The following CFAP44 variants were observed in gnomAD, a reference collection of about 807,000 sequenced individuals.
CFAP44 encodes the protein cilia- and flagella-associated protein 44.
CFAP44 carries 134 observed loss-of-function variants against 216.2 expected under a neutral mutation model. That is an observed-to-expected ratio of 0.62 (90% confidence interval 0.54 to 0.72). The LOEUF (loss-of-function observed/expected upper bound fraction) is 0.72. Among genes scored for constraint, CFAP44 ranks in the 30% least tolerant of loss-of-function variants. The pLI is 0.00. For missense variants in CFAP44, 2,035 were observed against 2,182.1 expected (o/e 0.93, Z 1.34); for synonymous variants, 700 against 727.6 (o/e 0.96, Z 0.61).
At chr3:113,379,157 C>G in intron 17 of CFAP44, 149 bp downstream of exon 17, 1 of 579,070 alleles carries the variant, frequency 1.7e-6, no homozygotes, top group Non-Finnish European at 2.7e-6. Context: ...TCAAAACTCA[C>G]GACTTCAATA....
chr3:113,350,017 C>T (rs1950427319), intron 22 of CFAP44, among the ~76,000 whole-genome samples: 1 of 152,194 alleles, frequency 6.6e-6, no homozygotes, highest in African/African-American at 2.4e-5. Context: ...TGGAGGCACC[C>T]CCATTAAATA....
At chr3:113,307,493 T>C (rs1949997442) in intron 29 of CFAP44, among the ~76,000 whole-genome samples, 1 of 152,182 alleles carries the variant, frequency 6.6e-6, no homozygotes, top group Non-Finnish European at 1.5e-5. Context: ...TCCCTTCATT[T>C]CTTTTCCCAT....
intron 21 of CFAP44, 72 bp downstream of exon 21, chr3:113,363,073 G>A: frequency 7.0e-7 from 1 of 1,429,422 alleles, no homozygotes; most frequent in Non-Finnish European, 9.2e-7. Context: ...GTTTCTACTT[G>A]TTGGGAAAAT....
chr3:113,293,949 T>C, intron 34 of CFAP44: 2 of 456,056 alleles, frequency 4.4e-6, no homozygotes, highest in Non-Finnish European at 8.8e-6. Context: ...CCTTAGCACC[T>C]GCATTTTAAA....
intron 22 of CFAP44, 109 bp from the exon 23 acceptor site, chr3:113,344,821 T>G: frequency 9.3e-7 from 1 of 1,075,608 alleles, no homozygotes; most frequent in Non-Finnish European, 1.3e-6. Context: ...TATCATTATA[T>G]TGTGCTAGAC....
chr3:113,395,509 T>C (rs943299632), intron 15 of CFAP44, among the ~76,000 whole-genome samples: 3 of 152,134 alleles, frequency 2.0e-5, no homozygotes, highest in Non-Finnish European at 4.4e-5. Flanking sequence ...GAGAAGATCA[T>C]GGTCAACTAA....
At chr3:113,300,463 C>T (rs1949923733) in intron 32 of CFAP44, among the ~76,000 whole-genome samples, 1 of 133,852 alleles carries the variant, frequency 7.5e-6, no homozygotes, top group South Asian at 2.5e-4. Flanking sequence ...AAGAATATCC[C>T]ATATATCTTA....
chr3:113,399,700 C>A (rs140993489), intron 13 of CFAP44, among the ~76,000 whole-genome samples: 1 of 152,012 alleles, frequency 6.6e-6, no homozygotes, highest in Non-Finnish European at 1.5e-5. Context: ...CTACAGGTGG[C>A]AAAAAATTTC....
intron 7 of CFAP44, 67 bp downstream of exon 7, chr3:113,409,039 T>A: frequency 3.9e-5 from 26 of 668,030 alleles, no homozygotes; most frequent in Non-Finnish European, 6.0e-5. Flanking sequence ...AGTCTCCAGC[T>A]CTTAGATCCT....
intron 28 of CFAP44, among the ~76,000 whole-genome samples, chr3:113,311,664 T>C (rs532333328): frequency 2.0e-5 from 3 of 152,086 alleles, no homozygotes; most frequent in Non-Finnish European, 4.4e-5. Flanking sequence ...TGAACAGATA[T>C]CCAAAAATAT....
intron 18 of CFAP44, among the ~76,000 whole-genome samples, chr3:113,370,751 G>T (rs7618941): frequency 1.3e-5 from 2 of 151,986 alleles, no homozygotes; most frequent in Non-Finnish European, 2.9e-5. Flanking sequence ...AAGAGAAAGA[G>T]ATAAAGGATA....
intron 22 of CFAP44, among the ~76,000 whole-genome samples, chr3:113,356,503 G>A (rs181780427): frequency 6.6e-6 from 1 of 152,088 alleles, no homozygotes; most frequent in East Asian, 1.9e-4. Context: ...AGACAGATAG[G>A]CCAATGAGAT....
At chr3:113,355,806 C>T (rs776629920) in intron 22 of CFAP44, among the ~76,000 whole-genome samples, 97 of 150,620 alleles carry the variant, frequency 6.4e-4, no homozygotes, top group Non-Finnish European at 1.1e-3. Flanking sequence ...TAAGTATATA[C>T]AGAAATATCT....
At chr3:113,427,444 T>A in intron 2 of CFAP44, 105 bp from the exon 3 acceptor site, 1 of 773,450 alleles carries the variant, frequency 1.3e-6, no homozygotes. Context: ...GTAATAAATC[T>A]AATACATACT....
Position 113,419,871 on chromosome 3 carries a change from C to T in CFAP44, c.570+146G>A, listed in dbSNP as rs376926821. On this transcript the variant is annotated intron_variant, in intron 5 of 34. Coordinates refer to ENST00000393845, the MANE Select transcript of CFAP44 (RefSeq NM_001164496.2). Reference sequence around the variant, plus strand: ...GTCTGTAATAACTGAATTGAAAATGCCTTGGAATAAAGACAGCTGTGCATC... The same window carrying T: ...GTCTGTAATAACTGAATTGAAAATGTCTTGGAATAAAGACAGCTGTGCATC... The T allele has an allele frequency of 2.6e-5, 18 of 685,148 alleles. No homozygotes were observed. The African/African-American group carries it at 2.7e-4, about 10-fold the overall frequency. The allele number at this position is 685,148 out of a possible 1,614,324, so 42.4% of individuals were successfully genotyped here.
intron 28 of CFAP44, among the ~76,000 whole-genome samples, chr3:113,317,257 G>A (rs1448444615): frequency 1.3e-5 from 2 of 152,244 alleles, no homozygotes; most frequent in Non-Finnish European, 2.9e-5. Context: ...CTGGCCTTCA[G>A]ATGACATGGA....
intron 11 of CFAP44, among the ~76,000 whole-genome samples, chr3:113,401,032 A>T (rs1934125797): frequency 1.3e-5 from 2 of 152,180 alleles, no homozygotes; most frequent in Admixed American, 1.3e-4. Flanking sequence ...TGACACGGCC[A>T]CTTTTCTGGT....
chr3:113,305,620 G>T (rs1225332273), intron 30 of CFAP44, among the ~76,000 whole-genome samples: 3 of 152,106 alleles, frequency 2.0e-5, no homozygotes, highest in Non-Finnish European at 4.4e-5. Context: ...ATCATTTCCT[G>T]TTTGCAAGAG....
At chr3:113,321,892 C>A (rs1310218586) in intron 28 of CFAP44, among the ~76,000 whole-genome samples, 1 of 152,080 alleles carries the variant, frequency 6.6e-6, no homozygotes, top group African/African-American at 2.4e-5. Flanking sequence ...GAAAAACATC[C>A]CATGCTCATA....
Sources: gnomAD v4.1 joint callset for allele counts (sites outside exome capture counted in the v4.1 genomes callset) on GRCh38, gnomAD v4.1.1 for gene constraint, MANE v1.5 for transcripts, NCBI Gene and HGNC (gene_info 2026-07-23, HGNC 2026-07-21) for gene names.